MYO18B: variants seen among roughly 807,000 people sequenced by gnomAD.
MYO18B encodes unconventional myosin-XVIIIb.
MYO18B carries 204 observed loss-of-function variants against 273.0 expected under a neutral mutation model. That is an observed-to-expected ratio of 0.75 (90% confidence interval 0.67 to 0.84). The LOEUF (loss-of-function observed/expected upper bound fraction) is 0.84, where lower values mean the gene tolerates loss of function less well. Among genes scored for constraint, MYO18B ranks in the 40% least tolerant of loss-of-function variants. MYO18B has a pLI of 0.00. For synonymous variants in MYO18B, 1,330 were observed against 1,305.7 expected (o/e 1.02, Z -0.40); for missense variants, 3,212 against 3,287.6 (o/e 0.98, Z 0.56).
the MYO18B span, among the ~76,000 whole-genome samples, chr22:26,044,179 G>T: frequency 2.0e-5 from 3 of 152,136 alleles, no homozygotes; most frequent in South Asian, 4.1e-4. Context: ...TGAGTTGCTT[G>T]TTTTTTATTA....
chr22:25,890,973 C>A, intron 26 of MYO18B, 98 bp downstream of exon 26: 1 of 1,474,620 alleles, frequency 6.8e-7, no homozygotes, highest in Non-Finnish European at 9.1e-7. Flanking sequence ...TAAGCTTAAG[C>A]AAGATGCACA....
At position 25,865,403 on chromosome 22, in the gene MYO18B, T is replaced by C. The variant is rs115724321; in HGVS notation, c.3886-2917T>C. ...GAAAAGGAGTCTCAGTTATGGTGGGTTGAGCATGTGCTTTGGCAGGGTTTG... is the reference window on the plus strand; with the variant it reads ...GAAAAGGAGTCTCAGTTATGGTGGGCTGAGCATGTGCTTTGGCAGGGTTTG... On this transcript the variant is annotated intron_variant, in intron 21 of 43. Coordinates refer to ENST00000335473, the MANE Select transcript of MYO18B (RefSeq NM_032608.7). Among the ~76,000 whole-genome samples, 1,150 of 152,318 alleles carry C rather than the reference T, an allele frequency of 7.5e-3. 11 individuals are homozygous for C. The highest frequency in any genetic ancestry group is 0.026 in the African/African-American group (1,099 of 41,570).
At chr22:26,038,164 T>G in the MYO18B span, among the ~76,000 whole-genome samples, 1 of 152,192 alleles carries the variant, frequency 6.6e-6, no homozygotes, top group Non-Finnish European at 1.5e-5. Flanking sequence ...GAGAAATGAT[T>G]TGAGGATAAT....
intron 13 of MYO18B, among the ~76,000 whole-genome samples, chr22:25,826,085 A>C (rs2089478993): frequency 6.6e-6 from 1 of 152,198 alleles, no homozygotes. Flanking sequence ...TATTAGAAGC[A>C]ACACAGAGCT....
At chr22:25,810,729 C>A (rs2088711080) in intron 12 of MYO18B, among the ~76,000 whole-genome samples, 1 of 152,158 alleles carries the variant, frequency 6.6e-6, no homozygotes, top group Non-Finnish European at 1.5e-5. Flanking sequence ...ACCCACCGTG[C>A]TTGGCCGACT....
intron 12 of MYO18B, among the ~76,000 whole-genome samples, chr22:25,808,820 G>A (rs898330545): frequency 2.0e-5 from 3 of 152,174 alleles, no homozygotes; most frequent in African/African-American, 7.2e-5. Flanking sequence ...GTTCTTGTGA[G>A]GCTGACATTA....
chr22:26,028,467 A>G (rs1401848591), intron 43 of MYO18B: 1 of 152,112 alleles, frequency 6.6e-6, no homozygotes, highest in Non-Finnish European at 1.5e-5. Flanking sequence ...ATGGAGAGAA[A>G]CTGAGGCCCT....
intron 17 of MYO18B, among the ~76,000 whole-genome samples, chr22:25,839,028 G>A (rs550482740): frequency 6.6e-6 from 1 of 151,606 alleles, no homozygotes; most frequent in African/African-American, 2.4e-5. Context: ...ACCTGTGTGT[G>A]TATGTATGAG....
At chr22:25,843,214 C>T (rs1210852585) in intron 17 of MYO18B, among the ~76,000 whole-genome samples, 2 of 152,134 alleles carry the variant, frequency 1.3e-5, no homozygotes, top group African/African-American at 4.8e-5. Context: ...AACCGATGTG[C>T]CTGTATCTCC....
the MYO18B span, among the ~76,000 whole-genome samples, chr22:26,058,711 CTCTT>C: frequency 2.6e-5 from 4 of 152,192 alleles, no homozygotes; most frequent in Non-Finnish European, 5.9e-5. Flanking sequence ...CTGCCTCTCT[CTCTT>C]TCTTCCTCTC....
At position 25,874,439 on chromosome 22, in the gene MYO18B, A is replaced by G. The variant is rs188821790; in HGVS notation, c.4080+25A>G. The G allele has an allele frequency of 2.5e-4, 402 of 1,604,868 alleles. No individual in the cohort carries two copies. The African/African-American group carries it at 4.9e-3, about 20-fold the overall frequency. On this transcript the variant is annotated intron_variant, in intron 23 of 43. Coordinates refer to ENST00000335473, the MANE Select transcript of MYO18B (RefSeq NM_032608.7). Reference sequence around the variant, plus strand: ...GGTACTGCATGCCGTTCCCATGAGGAGTCTGATCCAACGGGTCTGGAGCGG... The same window carrying G: ...GGTACTGCATGCCGTTCCCATGAGGGGTCTGATCCAACGGGTCTGGAGCGG...
intron 34 of MYO18B, among the ~76,000 whole-genome samples, chr22:25,923,424 T>C (rs1006209): frequency 0.5 from 76,786 of 152,168 alleles, 22,090 homozygotes; most frequent in African/African-American, 0.79. Context: ...CGCATTGCCC[T>C]GCTTAATCCT....
intron 12 of MYO18B, among the ~76,000 whole-genome samples, chr22:25,802,032 A>AG (rs1309081043): frequency 6.6e-6 from 1 of 152,192 alleles, no homozygotes; most frequent in Non-Finnish European, 1.5e-5. Context: ...CAGAGTTAAC[A>AG]CAGACCCTGC....
At chr22:25,874,888 G>T (rs1439961730) in intron 23 of MYO18B, among the ~76,000 whole-genome samples, 1 of 152,182 alleles carries the variant, frequency 6.6e-6, no homozygotes, top group Non-Finnish European at 1.5e-5. Context: ...ATATATGTTC[G>T]AATTCCACCT....
intron 12 of MYO18B, among the ~76,000 whole-genome samples, chr22:25,798,382 A>C (rs1414736758): frequency 6.6e-6 from 1 of 152,182 alleles, no homozygotes; most frequent in African/African-American, 2.4e-5. Flanking sequence ...GCTACTGAAC[A>C]CTTATATATA....
At chr22:25,955,437 C>T in intron 39 of MYO18B, 73 bp downstream of exon 39, 9 of 1,466,120 alleles carry the variant, frequency 6.1e-6, no homozygotes, top group Non-Finnish European at 8.3e-6. Flanking sequence ...TTTCTTAAGA[C>T]TTCTGAATGG....
intron 36 of MYO18B, among the ~76,000 whole-genome samples, chr22:25,948,445 TCC>T (rs1391044095): frequency 3.8e-5 from 5 of 130,748 alleles, no homozygotes; most frequent in Admixed American, 2.3e-4. Context: ...CTTCCTTCCT[TCC>T]TTCCTTCCTT....
chr22:25,959,238 G>GA (rs2092889809), intron 39 of MYO18B: 2 of 148,306 alleles, frequency 1.3e-5, no homozygotes, highest in Non-Finnish European at 3.0e-5. Flanking sequence ...CCATTTCTTT[G>GA]GGCAAAGTAT....
At chr22:25,858,190 T>A (rs1317629558) in intron 21 of MYO18B, among the ~76,000 whole-genome samples, 1 of 152,248 alleles carries the variant, frequency 6.6e-6, no homozygotes, top group African/African-American at 2.4e-5. Flanking sequence ...TAGAGTCAGA[T>A]AGACTTGAGT....
Sources: allele counts gnomAD v4.1 joint callset (sites outside exome capture counted in the v4.1 genomes callset), GRCh38; gene constraint gnomAD v4.1.1; transcripts MANE v1.5; gene names NCBI Gene and HGNC (gene_info 2026-07-23, HGNC 2026-07-21).